PIK3CG: variants seen among roughly 807,000 people sequenced by gnomAD.
PIK3CG encodes phosphatidylinositol-4,5-bisphosphate 3-kinase catalytic subunit gamma.
A neutral mutation model predicts 102.3 loss-of-function variants in PIK3CG; 55 were observed. The observed-to-expected ratio is 0.54, with a 90% CI of 0.43 to 0.67. The LOEUF is 0.67. PIK3CG is among the 30% of genes least tolerant of loss of function. PIK3CG has a pLI of 0.00. For synonymous variants in PIK3CG, 552 were observed against 540.0 expected (o/e 1.02, Z -0.31); for missense variants, 1,258 against 1,391.8 (o/e 0.90, Z 1.53).
chr7:106,882,392 G>T (rs1190894410), intron 7 of PIK3CG, 185 bp downstream of exon 7: 1 of 364,588 alleles, frequency 2.7e-6, no homozygotes, highest in African/African-American at 2.1e-5. Flanking sequence ...ATACATGAAT[G>T]CATGATTCAA....
In PIK3CG at chr7:106,869,660, C is replaced by A; in HGVS notation, c.1995+104C>A. 1 of 955,192 alleles carries A rather than the reference C, an allele frequency of 1.0e-6. No homozygotes were observed. The highest frequency in any genetic ancestry group is 1.5e-6 in the Non-Finnish European group (1 of 649,366). The allele number at this position is 955,192 out of a possible 1,614,324, so 59.2% of individuals were successfully genotyped here. ...GTCATCAAATGCCCTTTGTTCAGAGCTTCATCATCGGCAAAAGTAGATATG... is the reference window on the plus strand; with the variant it reads ...GTCATCAAATGCCCTTTGTTCAGAGATTCATCATCGGCAAAAGTAGATATG... On this transcript the variant is annotated intron_variant, in intron 2 of 10. Transcript: ENST00000496166. The surrounding 1 kb of genome is among the most constrained non-coding windows in gnomAD (Gnocchi z 5.3).
At chr7:106,900,360 G>T (rs1374788573) in intron 10 of PIK3CG, among the ~76,000 whole-genome samples, 1 of 151,878 alleles carries the variant, frequency 6.6e-6, no homozygotes, top group Non-Finnish European at 1.5e-5. Flanking sequence ...AATCTGTTTT[G>T]TCTTAAATTA....
chr7:106,875,774 G>C (rs921870474), intron 5 of PIK3CG, among the ~76,000 whole-genome samples: 6 of 152,182 alleles, frequency 3.9e-5, no homozygotes, highest in African/African-American at 1.4e-4. Context: ...AGTTGGGTCA[G>C]ATGGTGTGTG....
At chr7:106,885,503 G>T (rs1791059904) in intron 9 of PIK3CG, among the ~76,000 whole-genome samples, 1 of 152,082 alleles carries the variant, frequency 6.6e-6, no homozygotes, top group Non-Finnish European at 1.5e-5. Context: ...ATCAGATGGG[G>T]ACAGATTGCT....
At position 106,883,046 on chromosome 7, in the gene PIK3CG, T is replaced by A. The variant is rs553154713; in HGVS notation, c.2643T>A (p.Ile881=). ...STGDKIGMIE[I]VKDATTIAKI... is the part of the protein sequence containing the mutation. ...ATCCTTCTGTAGGAATGATCGAGAT[T>A]GTGAAAGACGCCACGACAATTGCCA... The change falls in exon 8 of 11, where the codon ATT becomes ATA. Residue 881 remains isoleucine (I), a synonymous_variant. Transcript: ENST00000496166. The surrounding 1 kb of genome is among the most constrained non-coding windows in gnomAD (Gnocchi z 5.8). 15 of 1,614,038 alleles carry A rather than the reference T, an allele frequency of 9.3e-6. No homozygotes were observed. The African/African-American group carries it at 2.0e-4, about 22-fold the overall frequency.
At chr7:106,887,581 GA>G (rs1405848627) in intron 10 of PIK3CG, among the ~76,000 whole-genome samples, 1 of 152,196 alleles carries the variant, frequency 6.6e-6, no homozygotes, top group Non-Finnish European at 1.5e-5. Context: ...TGTTGTCAGA[GA>G]AACTGAGATC....
rs774900026 is a variant in PIK3CG, at chr7:106,868,525, G to A, written c.964G>A (p.Glu322Lys). The A allele has an allele frequency of 6.2e-7, 1 of 1,614,158 alleles. No individual in the cohort carries two copies. The highest frequency in any genetic ancestry group is 8.5e-7 in the Non-Finnish European group (1 of 1,180,036). ...GGCCCTAGACGAGGTGAGGAAGGAA[G>A]AGTGGCCACTGGTGGATGACTGCAC... ...DPALDEVRKE[E>K]WPLVDDCTGV... The change falls in exon 2 of 11, where the codon GAG becomes AAG. Residue 322 changes from glutamate (E) to lysine (K), a missense_variant. By Grantham distance (56) the Glu-to-Lys change is moderately conservative. Around this residue, in one of 2 missense-constraint regions of PIK3CG, gnomAD observed 832 missense variants for 787.5 expected, o/e 1.06. Coordinates refer to ENST00000496166, the MANE Select transcript of PIK3CG (RefSeq NM_001282426.2). This position sits in a 1 kb window ranked among gnomAD's most constrained non-coding sequence, Gnocchi z 6.2.
At position 106,869,519 on chromosome 7, in the gene PIK3CG, A is replaced by T. The variant is rs1254179954; in HGVS notation, c.1958A>T (p.Asp653Val). The change falls in exon 2 of 11, where the codon GAC (aspartate) becomes GTC (valine). Residue 653 changes from aspartate to valine, a missense_variant. By Grantham distance (152) the Asp-to-Val change is radical (BLOSUM62 -3). Around this residue, in one of 2 missense-constraint regions of PIK3CG, gnomAD observed 426 missense variants for 604.2 expected, o/e 0.71. Coordinates refer to ENST00000496166, the MANE Select transcript of PIK3CG (RefSeq NM_001282426.2). The surrounding 1 kb of genome is among the most constrained non-coding windows in gnomAD (Gnocchi z 5.3). ...GTTCAGAAACTGGAGAGCTTGGAGG[A>T]CGATGATGTTCTGCATTACCTTCTA... ...IAVQKLESLE[D>V]DDVLHYLLQL... is the part of the protein sequence containing the mutation. 81 of 1,613,668 alleles carry T rather than the reference A, an allele frequency of 5.0e-5. No individual in the cohort carries two copies. The highest frequency in any genetic ancestry group is 6.6e-5 in the Non-Finnish European group (78 of 1,179,728).
In PIK3CG at chr7:106,872,273, T is replaced by C. The variant is rs1790557331; in HGVS notation, c.1996-264T>C. On this transcript the variant is annotated intron_variant, in intron 2 of 10. Transcript: ENST00000496166. The surrounding 1 kb of genome is among the most constrained non-coding windows in gnomAD (Gnocchi z 5.3). Reference sequence around the variant, plus strand: ...CCTCACCTCTTCACCTTTGAATTTATCAGCAGCACATGACTGTGAGTCAAA... The same window carrying C: ...CCTCACCTCTTCACCTTTGAATTTACCAGCAGCACATGACTGTGAGTCAAA... Among the ~76,000 whole-genome samples, 1 of 152,226 alleles carries C rather than the reference T, an allele frequency of 6.6e-6. No individual in the cohort carries two copies. The highest frequency in any genetic ancestry group is 1.5e-5 in the Non-Finnish European group (1 of 68,048).
chr7:106,885,074 T>C (rs1791046484), intron 9 of PIK3CG, among the ~76,000 whole-genome samples: 1 of 152,132 alleles, frequency 6.6e-6, no homozygotes, highest in Non-Finnish European at 1.5e-5. Flanking sequence ...ACAGATGAAG[T>C]TGCTCACTTG....
intron 10 of PIK3CG, among the ~76,000 whole-genome samples, chr7:106,900,563 G>A (rs1015942120): frequency 6.6e-6 from 1 of 152,118 alleles, no homozygotes; most frequent in African/African-American, 2.4e-5. Flanking sequence ...TACATTCAAG[G>A]TCAGTATTGA....
chr7:106,898,792 A>T (rs945969387), intron 10 of PIK3CG, among the ~76,000 whole-genome samples: 2 of 151,988 alleles, frequency 1.3e-5, no homozygotes, highest in Admixed American at 6.6e-5. Context: ...AATATAGTTT[A>T]AAGTCAGGTA....
intron 10 of PIK3CG, among the ~76,000 whole-genome samples, chr7:106,887,999 G>T (rs1477433516): frequency 2.4e-5 from 3 of 125,692 alleles, no homozygotes; most frequent in African/African-American, 9.0e-5. Flanking sequence ...AGAGTACAGT[G>T]GCATGATCTC....
rs141046642 is a variant in PIK3CG at position 106,869,901 on chromosome 7, G to A, written c.1995+345G>A. Among the ~76,000 whole-genome samples, 1 of 152,256 alleles carries A rather than the reference G, an allele frequency of 6.6e-6. No homozygotes were observed. The highest frequency in any genetic ancestry group is 1.9e-4 in the East Asian group (1 of 5,178). On this transcript the variant is annotated intron_variant, in intron 2 of 10. Coordinates refer to ENST00000496166, the MANE Select transcript of PIK3CG (RefSeq NM_001282426.2). The surrounding 1 kb of genome is among the most constrained non-coding windows in gnomAD (Gnocchi z 5.3). ...TCCAAGTGACTGACATGCTTTCAGT[G>A]TATTATCTCATTTAACTCTTCCAAT... is the stretch of plus-strand genomic sequence containing the variant.
intron 10 of PIK3CG, among the ~76,000 whole-genome samples, chr7:106,889,782 G>C (rs974022429): frequency 6.6e-6 from 1 of 152,174 alleles, no homozygotes; most frequent in African/African-American, 2.4e-5. Flanking sequence ...TGCTTCCCAA[G>C]GGAGCTACTT....
Position 106,903,475 on chromosome 7 carries a change from T to C in PIK3CG, c.3031-1634T>C, listed in dbSNP as rs549886267. Reference sequence around the variant, plus strand: ...AAAGTTTTATAATTTTTTAAGAGTATAAAAATTATAAATTATAAAAATTAT... The same window carrying C: ...AAAGTTTTATAATTTTTTAAGAGTACAAAAATTATAAATTATAAAAATTAT... On this transcript the variant is annotated intron_variant, in intron 10 of 10. Coordinates refer to ENST00000496166, the MANE Select transcript of PIK3CG (RefSeq NM_001282426.2). The surrounding 1 kb of genome is among the most constrained non-coding windows in gnomAD (Gnocchi z 4.3). Among the ~76,000 whole-genome samples, 6 of 151,930 alleles carry C rather than the reference T, an allele frequency of 3.9e-5. No individual in the cohort carries two copies. Among genetic ancestry groups the C allele is most frequent in the Admixed American group, 1.3e-4 (2 of 15,292 alleles).
Position 106,891,435 on chromosome 7 carries a change from G to A in PIK3CG, c.3030+5143G>A, listed in dbSNP as rs1791259429. On this transcript the variant is annotated intron_variant, in intron 10 of 10. Transcript: ENST00000496166. This position sits in a 1 kb window ranked among gnomAD's most constrained non-coding sequence, Gnocchi z 4.4. ...TAATATGGTACATATTCACATTTTT[G>A]TAGAGATTTCCTTATTGACATAAAT... is the stretch of plus-strand genomic sequence containing the variant. Among the ~76,000 whole-genome samples, 1 of 152,184 alleles carries A rather than the reference G, an allele frequency of 6.6e-6. No individual in the cohort carries two copies. The highest frequency in any genetic ancestry group is 2.4e-5 in the African/African-American group (1 of 41,442).
Position 106,872,605 on chromosome 7 carries a change from A to G in PIK3CG, c.2061+3A>G, listed in dbSNP as rs763352430. The G allele has an allele frequency of 2.4e-5, 38 of 1,612,512 alleles. No homozygotes were observed. Among genetic ancestry groups the G allele is most frequent in the Non-Finnish European group, 3.1e-5 (37 of 1,178,582 alleles). On this transcript the variant is annotated splice_donor_region_variant and intron_variant, in intron 3 of 10. Transcript: ENST00000496166. The surrounding 1 kb of genome is among the most constrained non-coding windows in gnomAD (Gnocchi z 5.3). ...TTCTGCTGAAGCGTGGTTTAAGAGT[A>G]AGTACTTCCATTTTGATAATAGCGT...
rs976196077 is a variant in PIK3CG at position 106,907,703 on chromosome 7, C to T, written c.*2316C>T. The stretch of plus-strand genomic sequence containing the variant: ...CATACATATTTCCTCTTCAAATGAA[C>T]CAGTTCTTTCATTTCATTATGCTAA... On this transcript the variant is annotated 3_prime_UTR_variant, in exon 11 of 11. Transcript: ENST00000496166. Among the ~76,000 whole-genome samples, 34 of 129,724 alleles carry T rather than the reference C, an allele frequency of 2.6e-4. No individual in the cohort carries two copies. Among genetic ancestry groups the T allele is most frequent in the African/African-American group, 8.4e-4 (32 of 38,030 alleles). The allele number at this position is 129,724 out of a possible 152,430, so 85.1% of individuals were successfully genotyped here. A position where few individuals can be genotyped will look rare whatever the true frequency, so the allele number is the denominator to read the frequency against.
Sources: gnomAD v4.1 joint callset for allele counts (sites outside exome capture counted in the v4.1 genomes callset) on GRCh38, gnomAD v4.1.1 for gene constraint, gnomAD v4.1.1 regional missense constraint, Gnocchi (gnomAD v3.1) non-coding constraint, MANE v1.5 for transcripts, NCBI Gene and HGNC (gene_info 2026-07-23, HGNC 2026-07-21) for gene names.